ZNF827: variants seen among roughly 807,000 people sequenced by gnomAD.
ZNF827 encodes the protein zinc finger protein 827.
In ZNF827, 13 loss-of-function variants were observed where a neutral mutation model predicts 102.4. That is an observed-to-expected ratio of 0.13 (90% CI 0.08 to 0.20). The LOEUF is 0.20. Ranked by LOEUF, ZNF827 falls within the 10% of genes least tolerant of loss-of-function variation. The probability of loss-of-function intolerance (pLI) is 1.00; values close to 1 mark genes in which losing one functional copy is unlikely to be tolerated. For missense variants in ZNF827, 1,103 were observed against 1,344.4 expected (o/e 0.82, Z 2.81); for synonymous variants, 523 against 536.2 (o/e 0.98, Z 0.34).
intron 5 of ZNF827, among the ~76,000 whole-genome samples, chr4:145,854,989 C>T (rs192828473): frequency 5.3e-5 from 8 of 152,326 alleles, no homozygotes; most frequent in Admixed American, 1.3e-4. Flanking sequence ...CAGGGCATGG[C>T]GCGTTGAGCA....
rs185216624 is a variant in ZNF827, at chr4:145,859,480, C to T, written c.1982-9919G>A. On this transcript the variant is annotated intron_variant, in intron 5 of 14. Transcript: ENST00000508784. Reference sequence around the variant, plus strand: ...TCCCTAGTCCCATGCCTGTGGGAGTCGTTGGACTGTGGGGTGGGACCTCCC... The same window carrying T: ...TCCCTAGTCCCATGCCTGTGGGAGTTGTTGGACTGTGGGGTGGGACCTCCC... Among the ~76,000 whole-genome samples, 32 of 152,154 alleles carry T rather than the reference C, an allele frequency of 2.1e-4. No homozygotes were observed. The East Asian group carries it at 6.0e-3, about 28-fold the overall frequency.
At position 145,760,749 on chromosome 4, in the gene ZNF827, C is replaced by G. The variant is rs1232079754; in HGVS notation, c.*867G>C. 1.6e-5 allele frequency: 11 copies of G among 696,064 alleles called. No individual in the cohort carries two copies. Among genetic ancestry groups the G allele is most frequent in the Non-Finnish European group, 1.6e-5 (9 of 574,392 alleles). 43.1% of individuals were successfully genotyped at this position (696,064 alleles called of 1,614,324 possible). Reference sequence around the variant, plus strand: ...TTTTTTTTTTTTTTGTCTTTTGTCTCTCTGTTTTTGGTACAGAACATGGCT... The same window carrying G: ...TTTTTTTTTTTTTTGTCTTTTGTCTGTCTGTTTTTGGTACAGAACATGGCT... On this transcript the variant is annotated 3_prime_UTR_variant, in exon 15 of 15. Coordinates refer to ENST00000508784, the MANE Select transcript of ZNF827 (RefSeq NM_001306215.2).
intron 7 of ZNF827, among the ~76,000 whole-genome samples, chr4:145,829,139 G>A (rs772054757): frequency 3.0e-4 from 45 of 149,356 alleles, no homozygotes; most frequent in Non-Finnish European, 5.5e-4. Flanking sequence ...TTTTAAAGGA[G>A]CAATAGAGAA....
At chr4:145,911,095 A>C (rs36005282) in intron 1 of ZNF827, among the ~76,000 whole-genome samples, 7,500 of 152,326 alleles carry the variant, frequency 0.049, 235 homozygotes, top group Non-Finnish European at 0.076. Context: ...CAAAATTGTA[A>C]ATTAGAATGC....
chr4:145,863,141 A>C (rs1394001274), intron 5 of ZNF827, among the ~76,000 whole-genome samples: 1 of 152,244 alleles, frequency 6.6e-6, no homozygotes, highest in African/African-American at 2.4e-5. Context: ...AAGCACATGA[A>C]AATATGCTCA....
intron 3 of ZNF827, among the ~76,000 whole-genome samples, chr4:145,889,845 C>A (rs1267533046): frequency 1.3e-5 from 2 of 151,906 alleles, no homozygotes; most frequent in African/African-American, 4.8e-5. Context: ...GGCGTGGTGG[C>A]GGACGCCTGT....
intron 11 of ZNF827, among the ~76,000 whole-genome samples, 180 bp downstream of exon 11, chr4:145,774,326 C>G (rs1284648448): frequency 6.6e-6 from 1 of 152,092 alleles, no homozygotes; most frequent in Non-Finnish European, 1.5e-5. Flanking sequence ...ACAAGGCATG[C>G]CAGGAAACAG....
At chr4:145,870,586 C>T in intron 4 of ZNF827, 108 bp from the exon 5 acceptor site, 1 of 974,428 alleles carries the variant, frequency 1.0e-6, no homozygotes, top group Non-Finnish European at 1.5e-6. Flanking sequence ...GTGCTAACAA[C>T]CGGAGGGATC....
intron 1 of ZNF827, among the ~76,000 whole-genome samples, chr4:145,923,450 T>TA (rs70956881): frequency 0.44 from 57,549 of 130,766 alleles, 14,312 homozygotes; most frequent in Non-Finnish European, 0.57. Context: ...ATTACAAATG[T>TA]AAAAAAAAAA....
chr4:145,868,760 C>T (rs1481355896), intron 5 of ZNF827, among the ~76,000 whole-genome samples: 1 of 152,184 alleles, frequency 6.6e-6, no homozygotes, highest in Non-Finnish European at 1.5e-5. Context: ...TGCTGCACAG[C>T]AAACTCTGAA....
At chr4:145,855,300 G>A (rs1039101706) in intron 5 of ZNF827, among the ~76,000 whole-genome samples, 2 of 152,200 alleles carry the variant, frequency 1.3e-5, no homozygotes, top group African/African-American at 2.4e-5. Flanking sequence ...TTTCTAGAGT[G>A]ATAGGCTTTT....
intron 7 of ZNF827, among the ~76,000 whole-genome samples, chr4:145,827,233 G>A (rs576430232): frequency 1.6e-4 from 25 of 152,188 alleles, no homozygotes; most frequent in African/African-American, 5.3e-4. Context: ...TCGTTGGTCC[G>A]TTAACACCTA....
chr4:145,876,934 A>G (rs1018960407), intron 4 of ZNF827: 1 of 152,192 alleles, frequency 6.6e-6, no homozygotes, highest in Non-Finnish European at 1.5e-5. Context: ...ATTTTTTCAA[A>G]CTGAGATCAG....
chr4:145,778,686 AC>A (rs1737494186), intron 9 of ZNF827, among the ~76,000 whole-genome samples: 1 of 152,212 alleles, frequency 6.6e-6, no homozygotes, highest in Non-Finnish European at 1.5e-5. Context: ...TGTGTGATGT[AC>A]GAAATCTTTA....
rs184257788 is a variant in ZNF827 at position 145,829,491 on chromosome 4, A to G, written c.2280-5966T>C. On this transcript the variant is annotated intron_variant, in intron 7 of 14. Transcript: ENST00000508784. ...TCAGCCATATATTATGTGACCTAAC[A>G]GGGTTTACAGATTTCGAGAGCTGGA... Among the ~76,000 whole-genome samples the G allele has an allele frequency of 6.5e-4, 99 of 152,352 alleles. 1 individual carries two copies. The highest frequency in any genetic ancestry group is 6.8e-3 in the Middle Eastern group (2 of 294).
At chr4:145,798,925 T>A (rs775268396) in intron 8 of ZNF827, among the ~76,000 whole-genome samples, 3 of 152,236 alleles carry the variant, frequency 2.0e-5, no homozygotes, top group Admixed American at 6.5e-5. Context: ...ATGATCTCTA[T>A]GGGACCAAAC....
At position 145,765,856 on chromosome 4, in the gene ZNF827, A is replaced by C; in HGVS notation, c.2861-118T>G. ...ATCATCATTCTGGGGGCACAGGCTC[A>C]TGTCCCCAGCTCCCCCACTGCTGGG... On this transcript the variant is annotated intron_variant, in intron 11 of 14. Transcript: ENST00000508784. This position sits in a 1 kb window ranked among gnomAD's most constrained non-coding sequence, Gnocchi z 4.7. 3.0e-5 allele frequency: 31 copies of C among 1,030,894 alleles called. No individual in the cohort carries two copies. Among genetic ancestry groups the C allele is most frequent in the Non-Finnish European group, 3.9e-5 (28 of 725,180 alleles). 63.9% of individuals were successfully genotyped at this position (1,030,894 alleles called of 1,614,324 possible). A position where few individuals can be genotyped will look rare whatever the true frequency, so the allele number is the denominator to read the frequency against.
intron 1 of ZNF827, among the ~76,000 whole-genome samples, chr4:145,918,684 C>T (rs750120575): frequency 1.8e-4 from 27 of 152,118 alleles, no homozygotes; most frequent in Non-Finnish European, 3.2e-4. Flanking sequence ...CTGGGGCTCT[C>T]GGGCAAGGTT....
intron 2 of ZNF827, among the ~76,000 whole-genome samples, chr4:145,898,339 G>A (rs754840982): frequency 4.6e-5 from 7 of 152,178 alleles, no homozygotes; most frequent in Admixed American, 1.3e-4. Flanking sequence ...TCAGCTGTAT[G>A]AGACCAGGTT....
Sources: allele counts gnomAD v4.1 joint callset (sites outside exome capture counted in the v4.1 genomes callset), GRCh38; gene constraint gnomAD v4.1.1; non-coding constraint Gnocchi (gnomAD v3.1); transcripts MANE v1.5; gene names NCBI Gene and HGNC (gene_info 2026-07-23, HGNC 2026-07-21).